MCC: variants seen among roughly 807,000 people sequenced by gnomAD.
MCC encodes MCC regulator of Wnt signaling pathway, also known as colorectal mutant cancer protein.
In MCC, 90 loss-of-function variants were observed where a neutral mutation model predicts 116.2. The ratio of observed to expected loss-of-function variants is 0.77; its 90% CI spans 0.65 to 0.92. The LOEUF (loss-of-function observed/expected upper bound fraction) is 0.92. MCC is among the 40% of genes least tolerant of loss of function. The probability of loss-of-function intolerance (pLI) is 0.00; values close to 1 mark genes in which losing one functional copy is unlikely to be tolerated. For synonymous variants in MCC, 578 were observed against 510.5 expected (o/e 1.13, Z -1.78); for missense variants, 1,516 against 1,312.2 (o/e 1.16, Z -2.40).
chr5:113,117,424 A>G (rs1757457580), intron 6 of MCC, among the ~76,000 whole-genome samples: 1 of 152,286 alleles, frequency 6.6e-6, no homozygotes, highest in African/African-American at 2.4e-5. Flanking sequence ...TATTCTATGC[A>G]TAGGACACCT....
chr5:113,318,663 C>T (rs1367905956), intron 3 of MCC, among the ~76,000 whole-genome samples: 2 of 151,840 alleles, frequency 1.3e-5, no homozygotes, highest in South Asian at 2.1e-4. Flanking sequence ...GGGAACAACA[C>T]ACACTGGGGC....
At chr5:113,081,201 G>A (rs1469669948) in intron 11 of MCC, among the ~76,000 whole-genome samples, 1 of 152,168 alleles carries the variant, frequency 6.6e-6, no homozygotes, top group African/African-American at 2.4e-5. Context: ...AGAACCCCCA[G>A]GTTCCCGCAG....
chr5:113,122,717 C>T lies in MCC; in HGVS notation c.994G>A (p.Glu332Lys), dbSNP rs185322500. 6.8e-5 allele frequency: 109 copies of T among 1,614,100 alleles called. No homozygotes were observed. The highest frequency in any genetic ancestry group is 2.9e-4 in the East Asian group (13 of 44,880). Residue 332 changes from glutamate (E) to lysine (K), a missense_variant, in exon 6 of 19, where the codon GAA (glutamate) becomes AAA (lysine). Transcript: ENST00000408903. ...DQDQTSVSIP[E>K]NQSTMVTADM... ...GCAGTAACCATGGTAGACTGGTTTT[C>T]GGGGATAGAGACAGAGGTCTGGTCT...
At chr5:113,225,906 C>G (rs1464846629) in intron 3 of MCC, among the ~76,000 whole-genome samples, 1 of 152,254 alleles carries the variant, frequency 6.6e-6, no homozygotes, top group Admixed American at 6.5e-5. Flanking sequence ...GGCGTGGTGG[C>G]TCATGACTAT....
chr5:113,415,366 C>T (rs542322864), intron 1 of MCC, among the ~76,000 whole-genome samples: 1 of 152,310 alleles, frequency 6.6e-6, no homozygotes, highest in South Asian at 2.1e-4. Flanking sequence ...GAATGTTTTC[C>T]AACTTGGTTC....
At chr5:113,132,451 C>CATAT (rs1405150950) in intron 5 of MCC, among the ~76,000 whole-genome samples, 2,051 of 124,484 alleles carry the variant, frequency 0.016, 78 homozygotes, top group Middle Eastern at 0.067. Flanking sequence ...TATACACACA[C>CATAT]ACACACACAC....
intron 9 of MCC, 57 bp downstream of exon 9, chr5:113,085,107 G>T: frequency 1.2e-6 from 2 of 1,611,242 alleles, no homozygotes; most frequent in Non-Finnish European, 1.7e-6. Flanking sequence ...GATGAGCCTG[G>T]TGCTTCCAGA....
intron 3 of MCC, among the ~76,000 whole-genome samples, chr5:113,187,289 C>T (rs1761939789): frequency 6.6e-6 from 1 of 152,064 alleles, no homozygotes; most frequent in African/African-American, 2.4e-5. Flanking sequence ...TTGCATTTTT[C>T]GTAGAGATCG....
intron 3 of MCC, among the ~76,000 whole-genome samples, chr5:113,224,509 G>A (rs1036415675): frequency 3.9e-5 from 6 of 152,148 alleles, no homozygotes; most frequent in African/African-American, 9.7e-5. Context: ...AACTGCCCTC[G>A]TCCTTAAGCA....
Position 113,053,789 on chromosome 5 carries a change from C to T in MCC, c.2384G>A (p.Arg795Gln), listed in dbSNP as rs142153308. Reference sequence around the variant, plus strand: ...CAGATCCAGCCTCTGGCTGTCTCCCCGAGGCTTGACGTCATAGCTGAGAGG... The same window carrying T: ...CAGATCCAGCCTCTGGCTGTCTCCCTGAGGCTTGACGTCATAGCTGAGAGG... ...IDPLSYDVKP[R>Q]GDSQRLDLEN... The change falls in exon 15 of 19, where the codon CGG (arginine) becomes CAG (glutamine). Residue 795 changes from arginine (R) to glutamine (Q), a missense_variant. Transcript: ENST00000408903. 198 of 1,614,016 alleles carry T rather than the reference C, an allele frequency of 1.2e-4. No homozygotes were observed. In the East Asian group the frequency reaches 2.9e-3, roughly 24 times the overall value.
intron 1 of MCC, chr5:113,433,030 C>T (rs1010084987): frequency 1.3e-5 from 2 of 152,190 alleles, no homozygotes; most frequent in Non-Finnish European, 2.9e-5. Flanking sequence ...TCTCCAGTTG[C>T]CATGCTACTC....
intron 3 of MCC, among the ~76,000 whole-genome samples, chr5:113,187,824 T>G (rs113631867): frequency 2.0e-5 from 3 of 148,062 alleles, no homozygotes; most frequent in Non-Finnish European, 4.5e-5. Context: ...GTGACCAAAA[T>G]AGAACATCAA....
At chr5:113,387,956 G>A (rs1026396086) in intron 1 of MCC, among the ~76,000 whole-genome samples, 3 of 152,076 alleles carry the variant, frequency 2.0e-5, no homozygotes, top group South Asian at 2.1e-4. Flanking sequence ...AATACTGAAC[G>A]GAACTGACTA....
At chr5:113,095,060 C>T (rs774656119) in intron 8 of MCC, among the ~76,000 whole-genome samples, 6 of 152,154 alleles carry the variant, frequency 3.9e-5, no homozygotes, top group Non-Finnish European at 8.8e-5. Flanking sequence ...TGCATACCAC[C>T]AGCTTCCTAT....
rs185066452 is a variant in MCC at position 113,336,959 on chromosome 5, G to T, written c.627+3560C>A. The stretch of plus-strand genomic sequence containing the variant: ...GAAATCCTCAATGCTAAAAATGTCT[G>T]TGCTAGTTATCATTTGTTGCTTCTC... On this transcript the variant is annotated intron_variant, in intron 3 of 18. Transcript: ENST00000408903. Among the ~76,000 whole-genome samples the T allele has an allele frequency of 2.0e-5, 3 of 152,340 alleles. No individual in the cohort carries two copies. The East Asian group carries it at 5.8e-4, about 29-fold the overall frequency.
intron 16 of MCC, chr5:113,048,851 T>C (rs1203304332): frequency 1.5e-5 from 9 of 584,698 alleles, no homozygotes; most frequent in African/African-American, 7.5e-5. Context: ...ACCCCTCTGA[T>C]GTGACTGTGA....
intron 17 of MCC, among the ~76,000 whole-genome samples, chr5:113,031,063 T>G (rs1254783784): frequency 2.0e-5 from 3 of 152,186 alleles, no homozygotes; most frequent in African/African-American, 7.2e-5. Context: ...ATATCTAATC[T>G]TTTACATTTC....
At chr5:113,337,772 G>A (rs1767905384) in intron 3 of MCC, among the ~76,000 whole-genome samples, 1 of 152,114 alleles carries the variant, frequency 6.6e-6, no homozygotes, top group Admixed American at 6.6e-5. Flanking sequence ...TTTTTCCTTA[G>A]AAGGGACATA....
intron 13 of MCC, 93 bp from the exon 14 acceptor site, chr5:113,064,260 G>T: frequency 8.5e-7 from 1 of 1,173,742 alleles, no homozygotes. Context: ...GTTACTTAGG[G>T]CAGAGGTGGC....
Sources: allele counts gnomAD v4.1 joint callset (sites outside exome capture counted in the v4.1 genomes callset), GRCh38; gene constraint gnomAD v4.1.1; transcripts MANE v1.5; gene names NCBI Gene and HGNC (gene_info 2026-07-23, HGNC 2026-07-21).